BRWD1: variants seen among roughly 807,000 people sequenced by gnomAD.
BRWD1 encodes bromodomain and WD repeat domain containing 1, also known as bromodomain and WD repeat-containing protein 1.
In BRWD1, 82 loss-of-function variants were observed where a neutral mutation model predicts 251.2. The observed-to-expected ratio is 0.33, with a 90% CI of 0.27 to 0.39. The LOEUF (loss-of-function observed/expected upper bound fraction) is 0.39. BRWD1 is among the 10% of genes least tolerant of loss of function. The pLI is 1.00. For synonymous variants in BRWD1, 918 were observed against 902.8 expected, an observed-to-expected ratio of 1.02 and a Z score of -0.30; for missense variants, 2,233 against 2,711.6, an observed-to-expected ratio of 0.82 and a Z score of 3.92.
At chr21:39,281,955 CATAT>C (rs907425005) in intron 8 of BRWD1, among the ~76,000 whole-genome samples, 1 of 150,670 alleles carries the variant, frequency 6.6e-6, no homozygotes, top group Non-Finnish European at 1.5e-5. Context: ...TATATGTAGA[CATAT>C]ATGTATACAT....
intron 5 of BRWD1, 190 bp downstream of exon 5, chr21:39,298,242 G>A (rs1242044053): frequency 2.4e-6 from 3 of 1,236,662 alleles, no homozygotes; most frequent in Non-Finnish European, 3.0e-6. Flanking sequence ...ACTTTTTAAT[G>A]CAGAAGGACC....
At chr21:39,220,267 G>A (rs967756095) in intron 29 of BRWD1, among the ~76,000 whole-genome samples, 3 of 152,136 alleles carry the variant, frequency 2.0e-5, no homozygotes, top group African/African-American at 7.2e-5. Flanking sequence ...AGAACCAAAT[G>A]AAAGTTCTGT....
At chr21:39,241,311 T>C (rs942766029) in intron 21 of BRWD1, among the ~76,000 whole-genome samples, 1 of 148,934 alleles carries the variant, frequency 6.7e-6, no homozygotes, top group African/African-American at 2.5e-5. Flanking sequence ...ACCAAAAACA[T>C]AAAAAAATTA....
rs371056427 is a variant in BRWD1 at position 39,269,853 on chromosome 21, A to C, written c.1530+46T>G. On this transcript the variant is annotated intron_variant, in intron 15 of 40. Coordinates refer to ENST00000342449, the MANE Select transcript of BRWD1 (RefSeq NM_033656.4). ...CTAAGCCGCATAACCCAAATACTCT[A>C]AACAAATTATCAAGCATGTATCAAG... The C allele has an allele frequency of 5.7e-6, 8 of 1,399,074 alleles. No homozygotes were observed. The South Asian group carries it at 7.7e-5, about 13-fold the overall frequency. The allele number at this position is 1,399,074 out of a possible 1,614,324, so 86.7% of individuals were successfully genotyped here. A position where few individuals can be genotyped will look rare whatever the true frequency, so the allele number is the denominator to read the frequency against.
chr21:39,280,227 A>G lies in BRWD1; in HGVS notation c.853T>C (p.Ser285Pro). 1 of 1,607,320 alleles carries G rather than the reference A, an allele frequency of 6.2e-7. No homozygotes were observed. Among genetic ancestry groups the G allele is most frequent in the Non-Finnish European group, 8.5e-7 (1 of 1,177,894 alleles). The change falls in exon 9 of 41, where the codon TCT becomes CCT. Residue 285 changes from serine (S) to proline (P), a missense_variant. Physicochemically the swap from Ser to Pro is moderately conservative, Grantham distance 74. Coordinates refer to ENST00000342449, the MANE Select transcript of BRWD1 (RefSeq NM_033656.4). Reference sequence around the variant, plus strand: ...CCAGTGGAAACCATGTATCTTTGAGAGCCTTTGGCCATCGGGCTAAACTAA... The same window carrying G: ...CCAGTGGAAACCATGTATCTTTGAGGGCCTTTGGCCATCGGGCTAAACTAA... ...SLQFSPMAKG[S>P]QRYMVSTGAD...
chr21:39,314,634 C>G (rs1366951799), upstream of BRWD1: 1 of 335,184 alleles, frequency 3.0e-6, no homozygotes, highest in Non-Finnish European at 5.9e-6. Flanking sequence ...TCCAGCCTGC[C>G]CTGCTCTGGC....
chr21:39,255,941 G>T, intron 18 of BRWD1, 113 bp from the exon 19 acceptor site: 1 of 943,530 alleles, frequency 1.1e-6, no homozygotes, highest in Non-Finnish European at 1.6e-6. Context: ...AGAACTAAGA[G>T]AAGATAGTAT....
At chr21:39,297,804 T>C (rs1454892688) in intron 5 of BRWD1, 1 of 865,110 alleles carries the variant, frequency 1.2e-6, no homozygotes, top group Non-Finnish European at 1.4e-6. Context: ...GAACCAACAA[T>C]CTTTGCCCAT....
chr21:39,242,268 G>A (rs998771299), intron 21 of BRWD1, among the ~76,000 whole-genome samples: 6 of 152,172 alleles, frequency 3.9e-5, no homozygotes, highest in Admixed American at 1.3e-4. Flanking sequence ...ATAGCCATAC[G>A]GCTAATATAG....
At chr21:39,292,122 TGGGTGGGGGTGG>T (rs1356983589) in intron 8 of BRWD1, among the ~76,000 whole-genome samples, 353 of 2,180 alleles carry the variant, frequency 0.16, 36 homozygotes, top group Non-Finnish European at 0.22. Context: ...TTGTGGGGGG[TGGGTGGGGGTGG>T]GGGGGGGGGT....
intron 30 of BRWD1, 48 bp downstream of exon 30, chr21:39,218,457 A>G (rs560060574): frequency 2.0e-6 from 3 of 1,499,136 alleles, no homozygotes; most frequent in Non-Finnish European, 2.7e-6. Context: ...TACCTTTATG[A>G]AAAAAATTGA....
At chr21:39,313,795 G>A (rs963199043), upstream of BRWD1, 3 of 379,018 alleles carry the variant, frequency 7.9e-6, no homozygotes, top group Admixed American at 5.1e-5. Context: ...TCGATGAGGA[G>A]AAAGTGACGC....
chr21:39,208,428 A>C (rs1271125876), intron 36 of BRWD1, among the ~76,000 whole-genome samples: 3 of 152,374 alleles, frequency 2.0e-5, no homozygotes, highest in African/African-American at 7.2e-5. Flanking sequence ...ATGCAGGAGG[A>C]GTCTAATATT....
Position 39,295,746 on chromosome 21 carries a change from A to G in BRWD1, c.606T>C (p.Phe202=), listed in dbSNP as rs2035945852. The change falls in exon 7 of 41, where the codon TTT becomes TTC. Residue 202 remains phenylalanine, a synonymous_variant. Transcript: ENST00000342449. The part of the protein sequence containing the change: ...VAFDRTGHRI[F]TGSDDCLVKI... ...CAAGTTTAAAATTTTTACTCACTGT[A>G]AAGATTCTATGTCCTGTCCTATCAA... 1.3e-6 allele frequency: 2 copies of G among 1,575,538 alleles called. No homozygotes were observed. Among genetic ancestry groups the G allele is most frequent in the Non-Finnish European group, 8.6e-7 (1 of 1,159,652 alleles).
At chr21:39,210,979 CTG>C (rs767273513) in intron 34 of BRWD1, 50 bp from the exon 35 acceptor site, 4 of 1,547,538 alleles carry the variant, frequency 2.6e-6, no homozygotes, top group Non-Finnish European at 3.5e-6. Flanking sequence ...TGGTGTAAGA[CTG>C]TGGTAAAAAT....
intron 9 of BRWD1, among the ~76,000 whole-genome samples, chr21:39,279,425 G>T (rs1023915373): frequency 2.0e-5 from 3 of 152,180 alleles, no homozygotes; most frequent in South Asian, 4.1e-4. Context: ...GATCACCTGA[G>T]ATCAGGAGTT....
chr21:39,313,170 C>T (rs1489158207), intron 2 of BRWD1, 69 bp from the exon 3 acceptor site: 3 of 1,495,944 alleles, frequency 2.0e-6, no homozygotes, highest in Non-Finnish European at 1.8e-6. Flanking sequence ...CCCCCGCCCA[C>T]CACCCGCGAC....
chr21:39,209,335 G>C lies in BRWD1; in HGVS notation c.4197+660C>G, dbSNP rs915297091. On this transcript the variant is annotated intron_variant, in intron 36 of 40. Coordinates refer to ENST00000342449, the MANE Select transcript of BRWD1 (RefSeq NM_033656.4). ...AAAATACTGCTTTAAAGCCAGCACC[G>C]GAGTCAGATTTGAAATTCACTCCTG... Among the ~76,000 whole-genome samples, 144 of 151,746 alleles carry C rather than the reference G, an allele frequency of 9.5e-4. 1 individual carries two copies. Among genetic ancestry groups the C allele is most frequent in the African/African-American group, 3.1e-3 (129 of 41,362 alleles).
intron 8 of BRWD1, among the ~76,000 whole-genome samples, chr21:39,282,832 GC>G (rs2035513616): frequency 6.6e-6 from 1 of 151,896 alleles, no homozygotes; most frequent in Non-Finnish European, 1.5e-5. Flanking sequence ...GGTGGTGGGC[GC>G]CTGTAATCCC....
Sources: allele counts gnomAD v4.1 joint callset (sites outside exome capture counted in the v4.1 genomes callset), GRCh38; gene constraint gnomAD v4.1.1; transcripts MANE v1.5; gene names NCBI Gene and HGNC (gene_info 2026-07-23, HGNC 2026-07-21).